The following KIFC1 variants were observed in gnomAD, a reference collection of about 807,000 sequenced individuals.
KIFC1 encodes kinesin-like protein KIFC1.
A neutral mutation model predicts 66.6 loss-of-function variants in KIFC1; 37 were observed. The observed-to-expected ratio is 0.56, with a 90% CI of 0.43 to 0.73. The LOEUF is 0.73. Ranked by LOEUF, KIFC1 falls within the 30% of genes least tolerant of loss-of-function variation. KIFC1 has a pLI of 0.00. For missense variants in KIFC1, 721 were observed against 859.8 expected (o/e 0.84, Z 2.02); for synonymous variants, 325 against 343.5 (o/e 0.95, Z 0.60).
At chr6:33,391,642 G>C, upstream of KIFC1, 1 of 504,172 alleles carries the variant, frequency 2.0e-6, no homozygotes, top group Admixed American at 3.4e-5. Flanking sequence ...AGCATAAGTG[G>C]CACCGGAAGT....
At position 33,391,850 on chromosome 6, in the gene KIFC1, G is replaced by C. The variant is rs1389134407; in HGVS notation, c.-136G>C. 2 of 1,022,654 alleles carry C rather than the reference G, an allele frequency of 2.0e-6. No homozygotes were observed. The highest frequency in any genetic ancestry group is 2.6e-5 in the East Asian group (1 of 38,490). The allele number at this position is 1,022,654 out of a possible 1,614,324, so 63.3% of individuals were successfully genotyped here. ...AATTCAAAAGTGGCGGGTGTGGCGC[G>C]GGGCTGGTAGCGGCCGGAGCCGTGC... is the stretch of plus-strand genomic sequence containing the variant. On this transcript the variant is annotated 5_prime_UTR_variant, in exon 1 of 11. Coordinates refer to ENST00000428849, the MANE Select transcript of KIFC1 (RefSeq NM_002263.4).
chr6:33,399,089 T>C (rs746469843), intron 3 of KIFC1, among the ~76,000 whole-genome samples: 2 of 152,118 alleles, frequency 1.3e-5, no homozygotes, highest in African/African-American at 2.4e-5. Context: ...CAACCATCGG[T>C]TGAAAATATT....
chr6:33,400,521 G>A lies in KIFC1; in HGVS notation c.250+2134G>A, dbSNP rs756351200. Reference sequence around the variant, plus strand: ...CACCTCTGGTGCACCTCAGGTATACGACCTTGATCTCGTTGGGGTCGAACT... The same window carrying A: ...CACCTCTGGTGCACCTCAGGTATACAACCTTGATCTCGTTGGGGTCGAACT... On this transcript the variant is annotated intron_variant, in intron 3 of 10. Coordinates refer to ENST00000428849, the MANE Select transcript of KIFC1 (RefSeq NM_002263.4). This position sits in a 1 kb window ranked among gnomAD's most constrained non-coding sequence, Gnocchi z 4.3. 5.7e-6 allele frequency: 9 copies of A among 1,574,512 alleles called. No homozygotes were observed. The highest frequency in any genetic ancestry group is 5.6e-5 in the South Asian group (5 of 89,942).
In KIFC1 at chr6:33,404,769, C is replaced by T. The variant is rs1417631318; in HGVS notation, c.757-83C>T. The stretch of plus-strand genomic sequence containing the variant: ...TCCTTTTGAGCAGGGACCTCACTTC[C>T]ACCCACTCCATACGCCCCACAGTTT... On this transcript the variant is annotated intron_variant, in intron 6 of 10. Coordinates refer to ENST00000428849, the MANE Select transcript of KIFC1 (RefSeq NM_002263.4). This position sits in a 1 kb window ranked among gnomAD's most constrained non-coding sequence, Gnocchi z 4.0. The T allele has an allele frequency of 2.2e-6, 3 of 1,342,754 alleles. No homozygotes were observed. The highest frequency in any genetic ancestry group is 3.1e-6 in the Non-Finnish European group (3 of 976,178). The allele number at this position is 1,342,754 out of a possible 1,614,324, so 83.2% of individuals were successfully genotyped here.
At chr6:33,395,018 T>TAATC (rs1287067576) in intron 1 of KIFC1, among the ~76,000 whole-genome samples, 1 of 151,964 alleles carries the variant, frequency 6.6e-6, no homozygotes, top group Admixed American at 6.6e-5. Context: ...GAAAAGGGAG[T>TAATC]AATCAGTTGT....
intron 1 of KIFC1, among the ~76,000 whole-genome samples, chr6:33,394,799 C>T (rs114743091): frequency 2.2e-4 from 34 of 152,238 alleles, no homozygotes; most frequent in African/African-American, 5.5e-4. Flanking sequence ...GCGATGTTGA[C>T]GATGCAGTTC....
In KIFC1 at chr6:33,401,951, C is replaced by T. The variant is rs1775395975; in HGVS notation, c.251-1363C>T. 6.6e-6 allele frequency among the ~76,000 whole-genome samples: 1 copy of T among 152,084 alleles called. No individual in the cohort carries two copies. Among genetic ancestry groups the T allele is most frequent in the Non-Finnish European group, 1.5e-5 (1 of 68,006 alleles). On this transcript the variant is annotated intron_variant, in intron 3 of 10. Coordinates refer to ENST00000428849, the MANE Select transcript of KIFC1 (RefSeq NM_002263.4). The surrounding 1 kb of genome is among the most constrained non-coding windows in gnomAD (Gnocchi z 4.5). The stretch of plus-strand genomic sequence containing the variant: ...CAATCTCCTGACCCCTTGATCTGCC[C>T]ACCTCGGCCTCCCAAAGTGCTGGGA...
At position 33,391,834 on chromosome 6, in the gene KIFC1, G is replaced by A. The variant is rs1774795740; in HGVS notation, c.-152G>A. The A allele has an allele frequency of 3.5e-6, 3 of 866,898 alleles. No homozygotes were observed. Among genetic ancestry groups the A allele is most frequent in the Non-Finnish European group, 5.5e-6 (3 of 544,972 alleles). The allele number at this position is 866,898 out of a possible 1,614,324, so 53.7% of individuals were successfully genotyped here. A position where few individuals can be genotyped will look rare whatever the true frequency, so the allele number is the denominator to read the frequency against. On this transcript the variant is annotated 5_prime_UTR_variant, in exon 1 of 11. The change creates a new upstream start codon in the 5' untranslated region. Coordinates refer to ENST00000428849, the MANE Select transcript of KIFC1 (RefSeq NM_002263.4). ...GGGTGGTGGCCGTTGGAATTCAAAAGTGGCGGGTGTGGCGCGGGGCTGGTA... is the reference window on the plus strand; with the variant it reads ...GGGTGGTGGCCGTTGGAATTCAAAAATGGCGGGTGTGGCGCGGGGCTGGTA...
At position 33,405,418 on chromosome 6, in the gene KIFC1, C is replaced by G; in HGVS notation, c.1323C>G (p.Leu441=). 1 of 1,604,918 alleles carries G rather than the reference C, an allele frequency of 6.2e-7. No individual in the cohort carries two copies. The highest frequency in any genetic ancestry group is 8.5e-7 in the Non-Finnish European group (1 of 1,174,120). ...TGATCCCTCGGGCCCTGCGGCACCT[C>G]TTCTCTGTGGCTCAGGAGCTGAGTG... ...EGLIPRALRH[L]FSVAQELSGQ... The change falls in exon 7 of 11, where the codon CTC becomes CTG. Residue 441 remains leucine (L), a synonymous_variant. Transcript: ENST00000428849. This position sits in a 1 kb window ranked among gnomAD's most constrained non-coding sequence, Gnocchi z 5.4.
At chr6:33,396,247 G>C (rs1775027035) in intron 1 of KIFC1, among the ~76,000 whole-genome samples, 3 of 152,112 alleles carry the variant, frequency 2.0e-5, no homozygotes, top group African/African-American at 7.2e-5. Flanking sequence ...AACCAATCCT[G>C]CTGGGTCCAG....
At position 33,406,722 on chromosome 6, in the gene KIFC1, TAGA is replaced by T; in HGVS notation, c.1901+59_1901+61del. ...GTAGGAACTGTGTTGGGGTGAGGGG[TAGA>T]AAGGGGAACAGTGGAGACCTGTCCA... On this transcript the variant is annotated intron_variant, in intron 9 of 10. Transcript: ENST00000428849. This position sits in a 1 kb window ranked among gnomAD's most constrained non-coding sequence, Gnocchi z 4.5. 6.2e-7 allele frequency: 1 copy of T among 1,610,742 alleles called. No homozygotes were observed. The highest frequency in any genetic ancestry group is 8.5e-7 in the Non-Finnish European group (1 of 1,177,212).
rs552907684 is a variant in KIFC1 at position 33,393,012 on chromosome 6, G to C, written c.12+1015G>C. On this transcript the variant is annotated intron_variant, in intron 1 of 10. Coordinates refer to ENST00000428849, the MANE Select transcript of KIFC1 (RefSeq NM_002263.4). ...CTGCCAGAAGGCCGTAAGTGCTGTG[G>C]AGAAAAGGAGAAATTCAAGGTTGAG... Among the ~76,000 whole-genome samples, 242 of 152,274 alleles carry C rather than the reference G, an allele frequency of 1.6e-3. 2 individuals are homozygous for C. Among genetic ancestry groups the C allele is most frequent in the African/African-American group, 5.7e-3 (235 of 41,536 alleles).
intron 1 of KIFC1, among the ~76,000 whole-genome samples, chr6:33,393,808 G>A (rs1375763381): frequency 6.8e-6 from 1 of 147,784 alleles, no homozygotes; most frequent in Non-Finnish European, 1.5e-5. Context: ...GTGCAGTGGC[G>A]CGGTCTCGGC....
Position 33,405,558 on chromosome 6 carries a change from G to A in KIFC1, c.1463G>A (p.Arg488His), listed in dbSNP as rs368995550. 9 of 1,592,070 alleles carry A rather than the reference G, an allele frequency of 5.7e-6. No individual in the cohort carries two copies. Among genetic ancestry groups the A allele is most frequent in the African/African-American group, 1.3e-5 (1 of 74,334 alleles). The change falls in exon 7 of 11, where the codon CGC becomes CAC. Residue 488 changes from arginine to histidine, a missense_variant. Arg to His is a conservative substitution (Grantham distance 29). Transcript: ENST00000428849. The surrounding 1 kb of genome is among the most constrained non-coding windows in gnomAD (Gnocchi z 5.4). ...RKGQGGECEI[R>H]RAGPGSEELT... is the part of the protein sequence containing the mutation. ...GGTCAAGGGGGCGAGTGTGAGATTC[G>A]CCGTGCAGGGCCAGGGAGTGAGGAG...
At chr6:33,398,429 C>T in intron 3 of KIFC1, 42 bp downstream of exon 3, 1 of 1,320,110 alleles carries the variant, frequency 7.6e-7, no homozygotes. Flanking sequence ...CATGGAAGTC[C>T]AGTGCTCTTC....
At position 33,403,959 on chromosome 6, in the gene KIFC1, C is replaced by T; in HGVS notation, c.586C>T (p.Gln196Ter). 6.2e-7 allele frequency: 1 copy of T among 1,614,234 alleles called. No homozygotes were observed. The highest frequency in any genetic ancestry group is 8.5e-7 in the Non-Finnish European group (1 of 1,180,042). ...TTLEGHLAKV[Q>*]AQAEQGQQEL... Reference sequence around the variant, plus strand: ...ACTGGAGGGGCATTTAGCCAAGGTACAGGCCCAGGCTGAGCAGGGCCAACA... The same window carrying T: ...ACTGGAGGGGCATTTAGCCAAGGTATAGGCCCAGGCTGAGCAGGGCCAACA... Residue 196 changes from glutamine (Q) to a stop codon, truncating the protein, a stop_gained, in exon 6 of 11, where the codon CAG (glutamine) becomes TAG (stop). Transcript: ENST00000428849. LOFTEE classifies it high-confidence loss of function. This position sits in a 1 kb window ranked among gnomAD's most constrained non-coding sequence, Gnocchi z 4.6.
At chr6:33,409,115 G>A (rs1371617544) in intron 10 of KIFC1, among the ~76,000 whole-genome samples, 1 of 152,144 alleles carries the variant, frequency 6.6e-6, no homozygotes, top group Non-Finnish European at 1.5e-5. Context: ...GCAGTGAGCC[G>A]AGATCGCGCC....
chr6:33,393,689 G>T, intron 1 of KIFC1, among the ~76,000 whole-genome samples: 1 of 150,398 alleles, frequency 6.6e-6, no homozygotes, highest in East Asian at 2.0e-4. Flanking sequence ...CAAGCAATTC[G>T]CCTGCCTCGG....
chr6:33,409,792 G>C lies in KIFC1; in HGVS notation c.*102G>C. On this transcript the variant is annotated 3_prime_UTR_variant, in exon 11 of 11. Transcript: ENST00000428849. ...GTATCGGGTGAGGGGTGGGAGGGTT[G>C]CTGGAGGGTGCTTTATTGGGTGGAG... 8.1e-7 allele frequency: 1 copy of C among 1,241,682 alleles called. No homozygotes were observed. Among genetic ancestry groups the C allele is most frequent in the Non-Finnish European group, 1.2e-6 (1 of 865,286 alleles). 76.9% of individuals were successfully genotyped at this position (1,241,682 alleles called of 1,614,324 possible).
Sources: gnomAD v4.1 joint callset for allele counts (sites outside exome capture counted in the v4.1 genomes callset) on GRCh38, gnomAD v4.1.1 for gene constraint, Gnocchi (gnomAD v3.1) non-coding constraint, MANE v1.5 for transcripts, NCBI Gene and HGNC (gene_info 2026-07-23, HGNC 2026-07-21) for gene names.